The following SLC1A7 variants were observed in gnomAD, a reference collection of about 807,000 sequenced individuals.
SLC1A7 encodes excitatory amino acid transporter 5.
A neutral mutation model predicts 47.7 loss-of-function variants in SLC1A7; 40 were observed. The observed-to-expected ratio is 0.84, with a 90% confidence interval of 0.65 to 1.09. SLC1A7 has a LOEUF of 1.09. Among genes scored for constraint, SLC1A7 ranks in the 50% least tolerant of loss-of-function variants. The probability of loss-of-function intolerance (pLI) is 0.00; values close to 1 mark genes in which losing one functional copy is unlikely to be tolerated. For synonymous variants in SLC1A7, 323 were observed against 325.6 expected (o/e 0.99, Z 0.09); for missense variants, 746 against 769.5 (o/e 0.97, Z 0.36).
intron 2 of SLC1A7, among the ~76,000 whole-genome samples, chr1:53,131,273 C>T (rs1207780461): frequency 6.6e-6 from 1 of 152,336 alleles, no homozygotes; most frequent in Non-Finnish European, 1.5e-5. Context: ...ATCACATGAT[C>T]GCTTGTGGTG....
At position 53,142,605 on chromosome 1, in the gene SLC1A7, G is replaced by T; in HGVS notation, c.-156C>A. 1.3e-6 allele frequency: 1 copy of T among 750,026 alleles called. No individual in the cohort carries two copies. The highest frequency in any genetic ancestry group is 2.8e-5 in the East Asian group (1 of 35,492). The allele number at this position is 750,026 out of a possible 1,614,324, so 46.5% of individuals were successfully genotyped here. A position where few individuals can be genotyped will look rare whatever the true frequency, so the allele number is the denominator to read the frequency against. ...GCCAGCCCCACGGCCATGCCCGTGT[G>T]GCCGCCTTAGAGGGAAGCCACAATC... On this transcript the variant is annotated 5_prime_UTR_variant, in exon 1 of 11. Coordinates refer to ENST00000371494, the MANE Select transcript of SLC1A7 (RefSeq NM_006671.6).
chr1:53,135,069 C>T (rs1644977983), intron 1 of SLC1A7, among the ~76,000 whole-genome samples: 1 of 152,114 alleles, frequency 6.6e-6, no homozygotes, highest in African/African-American at 2.4e-5. Flanking sequence ...GGAGAATGCA[C>T]GCAAGCACTT....
intron 5 of SLC1A7, among the ~76,000 whole-genome samples, chr1:53,101,417 C>T (rs1209708617): frequency 6.7e-6 from 1 of 149,470 alleles, no homozygotes; most frequent in Non-Finnish European, 1.5e-5. Context: ...TTGTTACACT[C>T]ACACTGCCTC....
At chr1:53,114,459 C>CA (rs1343142762) in intron 3 of SLC1A7, 1 of 430,344 alleles carries the variant, frequency 2.3e-6, no homozygotes, top group East Asian at 3.9e-5. Context: ...AGGGAGGGGC[C>CA]AATAACAGCC....
At chr1:53,093,599 C>T (rs998882293) in intron 5 of SLC1A7, 39 bp from the exon 6 acceptor site, 4 of 1,504,174 alleles carry the variant, frequency 2.7e-6, no homozygotes, top group Non-Finnish European at 3.6e-6. Flanking sequence ...AAAGCAGGGA[C>T]AGACCCACAG....
intron 2 of SLC1A7, chr1:53,115,180 A>C: frequency 1.9e-5 from 11 of 590,220 alleles, no homozygotes; most frequent in Admixed American, 5.8e-5. Context: ...GGCCACACAC[A>C]TCTGTGCCTT....
At position 53,114,742 on chromosome 1, in the gene SLC1A7, G is replaced by A. The variant is rs1322962622; in HGVS notation, c.431+16C>T. The A allele has an allele frequency of 3.1e-6, 5 of 1,608,850 alleles. No individual in the cohort carries two copies. Among genetic ancestry groups the A allele is most frequent in the Non-Finnish European group, 4.3e-6 (5 of 1,176,064 alleles). On this transcript the variant is annotated intron_variant, in intron 3 of 10. Coordinates refer to ENST00000371494, the MANE Select transcript of SLC1A7 (RefSeq NM_006671.6). ...GGCCTGGCGTTCCCAAGCGGGGTGT[G>A]GGTGGCAATAGTTACCGGATGAGGT... is the stretch of plus-strand genomic sequence containing the variant.
At chr1:53,138,582 G>A (rs1645024039) in intron 1 of SLC1A7, among the ~76,000 whole-genome samples, 1 of 140,000 alleles carries the variant, frequency 7.1e-6, no homozygotes, top group Admixed American at 7.6e-5. Context: ...TGCCCAGGCT[G>A]GCCCTGAATG....
rs950501645 is a variant in SLC1A7 at position 53,089,790 on chromosome 1, G to C, written c.1361+10C>G. ...CCAGAGGGCTAGAGCTAGAGGCAAA[G>C]TCCACTCACAGAGCCCAGTCAACGG... On this transcript the variant is annotated intron_variant, in intron 9 of 10. Coordinates refer to ENST00000371494, the MANE Select transcript of SLC1A7 (RefSeq NM_006671.6). The C allele has an allele frequency of 1.9e-6, 3 of 1,613,722 alleles. No individual in the cohort carries two copies. Among genetic ancestry groups the C allele is most frequent in the African/African-American group, 2.7e-5 (2 of 75,046 alleles).
chr1:53,135,406 C>T (rs980540240), intron 1 of SLC1A7, among the ~76,000 whole-genome samples: 5 of 152,208 alleles, frequency 3.3e-5, no homozygotes, highest in Admixed American at 3.3e-4. Flanking sequence ...TTCTCTAGTG[C>T]TTCTCCTCGA....
chr1:53,136,190 TTA>T (rs534972402), intron 1 of SLC1A7, among the ~76,000 whole-genome samples: 219 of 146,876 alleles, frequency 1.5e-3, no homozygotes, highest in African/African-American at 4.8e-3. Context: ...TAATTATATA[TTA>T]TATATATATA....
At chr1:53,115,927 G>C (rs892372895) in intron 2 of SLC1A7, 2 of 152,164 alleles carry the variant, frequency 1.3e-5, no homozygotes, top group African/African-American at 4.8e-5. Flanking sequence ...ATTGTGGGGG[G>C]TGTGGGACGG....
chr1:53,136,028 C>T (rs1040833772), intron 1 of SLC1A7, among the ~76,000 whole-genome samples: 5 of 151,844 alleles, frequency 3.3e-5, no homozygotes, highest in Admixed American at 1.3e-4. Context: ...AGCTGAACCG[C>T]AAAAGGGAGG....
chr1:53,092,664 G>T lies in SLC1A7; in HGVS notation c.921C>A (p.His307Gln), dbSNP rs576193959. ...SVTVVCGLVLHGLFILPLLYF... is the reference protein window; with the variant it reads ...SVTVVCGLVLQGLFILPLLYF... ...AGAGCAGGGGCAGGATAAAGAGCCC[G>T]TGGAGCACCAGCCCGCACACCACGG... is the stretch of plus-strand genomic sequence containing the variant. The change falls in exon 7 of 11, where the codon CAC becomes CAA. Residue 307 changes from histidine (H) to glutamine (Q), a missense_variant. Coordinates refer to ENST00000371494, the MANE Select transcript of SLC1A7 (RefSeq NM_006671.6). The T allele has an allele frequency of 6.2e-7, 1 of 1,614,096 alleles. No homozygotes were observed. The highest frequency in any genetic ancestry group is 8.5e-7 in the Non-Finnish European group (1 of 1,179,930).
At position 53,096,515 on chromosome 1, in the gene SLC1A7, C is replaced by T. The variant is rs895679352; in HGVS notation, c.698-2955G>A. Among the ~76,000 whole-genome samples the T allele has an allele frequency of 6.6e-5, 10 of 150,428 alleles. No homozygotes were observed. The East Asian group carries it at 8.0e-4, about 12-fold the overall frequency. Reference sequence around the variant, plus strand: ...CACACTCCACCTCGGTACACTCACACGCACATAAACCCCAGCTCAGTACAC... The same window carrying T: ...CACACTCCACCTCGGTACACTCACATGCACATAAACCCCAGCTCAGTACAC... On this transcript the variant is annotated intron_variant, in intron 5 of 10. Coordinates refer to ENST00000371494, the MANE Select transcript of SLC1A7 (RefSeq NM_006671.6).
At chr1:53,103,284 G>A (rs1644603529) in intron 5 of SLC1A7, 62 bp downstream of exon 5, 2 of 1,260,882 alleles carry the variant, frequency 1.6e-6, no homozygotes, top group South Asian at 2.9e-5. Flanking sequence ...GGAGGAGCAG[G>A]CTGCTGGGAG....
chr1:53,101,886 G>GGTACACTCACATGTCCCACCTCA (rs1433642365), intron 5 of SLC1A7, among the ~76,000 whole-genome samples: 27 of 142,990 alleles, frequency 1.9e-4, no homozygotes, highest in African/African-American at 7.1e-4. Flanking sequence ...TCTTTGTCTT[G>GGTACACTCACATGTCCCACCTCA]GTACACTCAC....
chr1:53,103,268 A>G (rs1644603429), intron 5 of SLC1A7, 78 bp downstream of exon 5: 3 of 1,018,044 alleles, frequency 2.9e-6, no homozygotes, highest in Non-Finnish European at 2.9e-6. Context: ...GACCTCAGTA[A>G]GAGGTGGAGG....
At chr1:53,129,944 C>T (rs1021404644) in intron 2 of SLC1A7, among the ~76,000 whole-genome samples, 2 of 152,164 alleles carry the variant, frequency 1.3e-5, no homozygotes, top group Non-Finnish European at 2.9e-5. Flanking sequence ...TGCCGCTGGC[C>T]CGACCCCTTG....
Sources: gnomAD v4.1 joint callset for allele counts (sites outside exome capture counted in the v4.1 genomes callset) on GRCh38, gnomAD v4.1.1 for gene constraint, MANE v1.5 for transcripts, NCBI Gene and HGNC (gene_info 2026-07-23, HGNC 2026-07-21) for gene names.